Variants in ENPP3 observed in about 807,000 individuals in gnomAD.
The protein encoded by ENPP3 is ectonucleotide pyrophosphatase/phosphodiesterase 3, also known as ectonucleotide pyrophosphatase/phosphodiesterase family member 3.
Under a neutral mutation model 117.8 loss-of-function variants are expected in ENPP3, and 104 were observed. The ratio of observed to expected loss-of-function variants is 0.88; its 90% CI spans 0.75 to 1.04. ENPP3 has a LOEUF of 1.04. ENPP3 is among the 50% of genes least tolerant of loss of function. ENPP3 has a pLI of 0.00. For missense variants in ENPP3, 1,026 were observed against 1,051.9 expected (o/e 0.98, Z 0.34); for synonymous variants, 380 against 349.9 (o/e 1.09, Z -0.96).
chr6:131,647,671 A>T (rs189891861), intron 2 of ENPP3, among the ~76,000 whole-genome samples: 1 of 152,176 alleles, frequency 6.6e-6, no homozygotes, highest in Admixed American at 6.5e-5. Context: ...AATACTTGAC[A>T]TTATTTCATT....
chr6:131,740,200 CAT>C (rs1307156289), intron 23 of ENPP3, 22 bp from the exon 24 acceptor site: 1 of 1,535,796 alleles, frequency 6.5e-7, no homozygotes, highest in African/African-American at 1.4e-5. Context: ...AACATCAAAA[CAT>C]GTTTTCAATT....
rs535254660 is a variant in ENPP3 at position 131,666,853 on chromosome 6, C to T, written c.563-4395C>T. Among the ~76,000 whole-genome samples, 5 of 152,328 alleles carry T rather than the reference C, an allele frequency of 3.3e-5. No homozygotes were observed. The East Asian group carries it at 9.6e-4, about 29-fold the overall frequency. On this transcript the variant is annotated intron_variant, in intron 6 of 24. Coordinates refer to ENST00000357639, the MANE Select transcript of ENPP3 (RefSeq NM_005021.5). Reference sequence around the variant, plus strand: ...TTTCTCAGTTTTCATGGACCGGCCTCGTATAGGAGAAACCCTCGCCAGTTG... The same window carrying T: ...TTTCTCAGTTTTCATGGACCGGCCTTGTATAGGAGAAACCCTCGCCAGTTG...
chr6:131,689,439 G>T (rs1434007118), intron 14 of ENPP3, among the ~76,000 whole-genome samples: 3 of 152,118 alleles, frequency 2.0e-5, no homozygotes, highest in Non-Finnish European at 4.4e-5. Flanking sequence ...CCTGTGCTCT[G>T]TAAATGGAAC....
intron 20 of ENPP3, among the ~76,000 whole-genome samples, chr6:131,727,555 C>CAAAAAA (rs773470669): frequency 4.6e-4 from 24 of 52,062 alleles, no homozygotes; most frequent in South Asian, 7.2e-4. Context: ...AAGTCCATCT[C>CAAAAAA]AAAAAAAAAA....
chr6:131,648,629 A>G (rs1052866933), intron 2 of ENPP3, among the ~76,000 whole-genome samples: 2 of 152,210 alleles, frequency 1.3e-5, no homozygotes, highest in Admixed American at 6.5e-5. Flanking sequence ...AAATGAATTA[A>G]TTTAAAACTA....
chr6:131,730,263 T>C (rs1026227621), intron 20 of ENPP3, among the ~76,000 whole-genome samples: 7 of 152,178 alleles, frequency 4.6e-5, no homozygotes, highest in African/African-American at 1.7e-4. Flanking sequence ...TTTTCTAATT[T>C]TACAACATAC....
chr6:131,729,246 C>A (rs897840450), intron 20 of ENPP3, among the ~76,000 whole-genome samples: 6 of 152,052 alleles, frequency 3.9e-5, no homozygotes, highest in African/African-American at 1.4e-4. Context: ...AATTATTTTT[C>A]CCTGTAGAAA....
chr6:131,637,925 C>G (rs564179780), intron 1 of ENPP3, among the ~76,000 whole-genome samples: 15 of 151,490 alleles, frequency 9.9e-5, no homozygotes, highest in African/African-American at 4.9e-5. Context: ...TGCCACCCCC[C>G]CTCACCCCCC....
At chr6:131,656,858 G>A (rs1430046677) in intron 5 of ENPP3, among the ~76,000 whole-genome samples, 1 of 151,894 alleles carries the variant, frequency 6.6e-6, no homozygotes, top group Non-Finnish European at 1.5e-5. Flanking sequence ...TTAGCTACAA[G>A]AATGTTCATG....
intron 15 of ENPP3, among the ~76,000 whole-genome samples, chr6:131,712,439 A>T (rs1253799419): frequency 6.9e-6 from 1 of 145,110 alleles, no homozygotes. Context: ...CACTCCTGGG[A>T]TACTGCACCT....
chr6:131,654,831 T>C (rs886492118), intron 5 of ENPP3, among the ~76,000 whole-genome samples: 2 of 152,214 alleles, frequency 1.3e-5, no homozygotes, highest in Non-Finnish European at 2.9e-5. Flanking sequence ...CTTTGGTTTG[T>C]AGCTCAGATT....
At chr6:131,674,311 A>G (rs1430484857) in intron 8 of ENPP3, 30 bp downstream of exon 8, 6 of 1,608,662 alleles carry the variant, frequency 3.7e-6, no homozygotes, top group Non-Finnish European at 5.1e-6. Flanking sequence ...TCGCAACTGA[A>G]GTAACCTCCA....
chr6:131,697,420 C>T (rs1461402411), intron 15 of ENPP3, among the ~76,000 whole-genome samples: 1 of 88,674 alleles, frequency 1.1e-5, no homozygotes, highest in Admixed American at 1.7e-4. Flanking sequence ...ACAGTTTTTC[C>T]AGGGTGGGGG....
At chr6:131,668,131 T>G (rs575213438) in intron 6 of ENPP3, among the ~76,000 whole-genome samples, 35 of 152,162 alleles carry the variant, frequency 2.3e-4, no homozygotes, top group African/African-American at 8.0e-4. Context: ...TTAATAATAT[T>G]TCATTATGCC....
At chr6:131,646,736 G>T (rs917606638) in intron 2 of ENPP3, among the ~76,000 whole-genome samples, 1 of 136,162 alleles carries the variant, frequency 7.3e-6, no homozygotes, top group African/African-American at 2.9e-5. Flanking sequence ...CTAGGGGAAA[G>T]CTCTTGGCTT....
intron 1 of ENPP3, among the ~76,000 whole-genome samples, chr6:131,637,937 A>G (rs1022266523): frequency 6.7e-6 from 1 of 148,512 alleles, no homozygotes; most frequent in Non-Finnish European, 1.5e-5. Flanking sequence ...TCACCCCCCA[A>G]ATAAATTTTC....
At chr6:131,637,675 G>A (rs534210421) in intron 1 of ENPP3, among the ~76,000 whole-genome samples, 3 of 152,238 alleles carry the variant, frequency 2.0e-5, no homozygotes, top group South Asian at 2.1e-4. Context: ...TTAACATTAC[G>A]TTAAACTCAA....
At chr6:131,729,998 G>T (rs1210043908) in intron 20 of ENPP3, among the ~76,000 whole-genome samples, 1 of 151,926 alleles carries the variant, frequency 6.6e-6, no homozygotes, top group East Asian at 1.9e-4. Context: ...TACAGCCACA[G>T]CCTCATTAAA....
intron 20 of ENPP3, among the ~76,000 whole-genome samples, chr6:131,731,917 C>G (rs1217053910): frequency 6.6e-6 from 1 of 152,194 alleles, no homozygotes. Flanking sequence ...AGTTTTCTAG[C>G]TGGAGCTTTG....
Sources: gnomAD v4.1 joint callset for allele counts (sites outside exome capture counted in the v4.1 genomes callset) on GRCh38, gnomAD v4.1.1 for gene constraint, MANE v1.5 for transcripts, NCBI Gene and HGNC (gene_info 2026-07-23, HGNC 2026-07-21) for gene names.